ARHGAP32: variants seen among roughly 807,000 people sequenced by gnomAD.
The protein encoded by ARHGAP32 is rho GTPase-activating protein 32.
In ARHGAP32, 51 loss-of-function variants were observed where a neutral mutation model predicts 186.5. The ratio of observed to expected loss-of-function variants is 0.27; its 90% CI spans 0.22 to 0.35. The LOEUF is 0.35. ARHGAP32 is among the 10% of genes least tolerant of loss of function. The pLI, the probability that ARHGAP32 is intolerant of heterozygous loss-of-function variation, is 1.00. For missense variants in ARHGAP32, 2,186 were observed against 2,623.5 expected (o/e 0.83, Z 3.64); for synonymous variants, 950 against 964.3 (o/e 0.99, Z 0.27).
At chr11:129,233,386 G>C (rs1944884639) in intron 1 of ARHGAP32, among the ~76,000 whole-genome samples, 1 of 151,898 alleles carries the variant, frequency 6.6e-6, no homozygotes, top group Non-Finnish European at 1.5e-5. Context: ...AAAGATTTTT[G>C]ACCTAACCAA....
chr11:129,184,664 G>C (rs11221596), intron 1 of ARHGAP32, among the ~76,000 whole-genome samples: 43,262 of 151,872 alleles, frequency 0.28, 6,495 homozygotes, highest in Middle Eastern at 0.4. Context: ...CTAACACAAA[G>C]GTTTGACTCT....
intron 2 of ARHGAP32, among the ~76,000 whole-genome samples, chr11:129,128,837 G>T (rs928726703): frequency 6.6e-6 from 1 of 152,170 alleles, no homozygotes; most frequent in Non-Finnish European, 1.5e-5. Context: ...TGCCTGCCTC[G>T]GCCTCCCGAG....
chr11:128,987,803 T>C (rs1166710644), intron 13 of ARHGAP32, among the ~76,000 whole-genome samples: 1 of 152,074 alleles, frequency 6.6e-6, no homozygotes, highest in Non-Finnish European at 1.5e-5. Flanking sequence ...AGAGGCAAAA[T>C]ACAAGTACTG....
At chr11:128,992,214 A>G (rs1256238725) in intron 12 of ARHGAP32, among the ~76,000 whole-genome samples, 1 of 152,204 alleles carries the variant, frequency 6.6e-6, no homozygotes, top group African/African-American at 2.4e-5. Flanking sequence ...ATGTTCAGGC[A>G]ACAGAGAGTC....
chr11:129,096,841 AAATAT>A (rs1941743719), intron 5 of ARHGAP32, among the ~76,000 whole-genome samples: 1 of 152,178 alleles, frequency 6.6e-6, no homozygotes, highest in South Asian at 2.1e-4. Flanking sequence ...TCCTTTGGGA[AAATAT>A]AATAGACTAG....
chr11:129,175,240 GA>G (rs1943890423), intron 1 of ARHGAP32, among the ~76,000 whole-genome samples: 1 of 71,322 alleles, frequency 1.4e-5, no homozygotes, highest in African/African-American at 6.1e-5. Context: ...GAAGTTTAGA[GA>G]AAAAAGAATA....
At chr11:129,255,551 C>T (rs1219597033) in intron 1 of ARHGAP32, among the ~76,000 whole-genome samples, 1 of 151,968 alleles carries the variant, frequency 6.6e-6, no homozygotes. Flanking sequence ...TATATTAAGA[C>T]CTAGGCCTCA....
intron 1 of ARHGAP32, 110 bp downstream of exon 1, chr11:129,191,973 A>G (rs1389420747): frequency 3.7e-6 from 3 of 805,630 alleles, no homozygotes; most frequent in East Asian, 2.5e-5. Context: ...ACCTTCCCCC[A>G]GAAAACAGAA....
intron 15 of ARHGAP32, among the ~76,000 whole-genome samples, chr11:128,982,267 A>G (rs1471120851): frequency 6.6e-6 from 1 of 152,236 alleles, no homozygotes; most frequent in Non-Finnish European, 1.5e-5. Context: ...AAAAATTCCA[A>G]TAGGCATCAA....
At chr11:129,193,569 AAT>A (rs1167668157), upstream of ARHGAP32, among the ~76,000 whole-genome samples, 498 of 12,954 alleles carry the variant, frequency 0.038, 24 homozygotes, top group Non-Finnish European at 0.047. Flanking sequence ...TATTATATAT[AAT>A]ATATATATAT....
At chr11:129,085,163 A>C (rs1941347614) in intron 6 of ARHGAP32, among the ~76,000 whole-genome samples, 1 of 152,048 alleles carries the variant, frequency 6.6e-6, no homozygotes, top group Admixed American at 6.5e-5. Flanking sequence ...AGCTGAGACC[A>C]CAGGCACACA....
intron 5 of ARHGAP32, among the ~76,000 whole-genome samples, chr11:129,115,036 T>C (rs1942326863): frequency 6.6e-6 from 1 of 152,168 alleles, no homozygotes; most frequent in Admixed American, 6.6e-5. Flanking sequence ...AGTTCTTTTC[T>C]TTTATTCATC....
intron 5 of ARHGAP32, among the ~76,000 whole-genome samples, chr11:129,119,849 A>T (rs12292918): frequency 3.5e-4 from 54 of 152,172 alleles, no homozygotes; most frequent in Non-Finnish European, 6.0e-4. Context: ...GGGGGTGAGC[A>T]TACTGGCAGA....
intron 1 of ARHGAP32, among the ~76,000 whole-genome samples, chr11:129,213,641 G>A (rs1944609977): frequency 6.6e-6 from 1 of 151,994 alleles, no homozygotes. Flanking sequence ...AATATAAATA[G>A]ACAAAACTGA....
rs778851342 is a variant in ARHGAP32 at position 128,968,933 on chromosome 11, G to C, written c.6280C>G (p.Pro2094Ala). The part of the protein sequence containing the change: ...FLPAELSLQH[P>A]ETQIHAE Reference sequence around the variant, plus strand: ...CATTCTGCATGGATCTGTGTTTCAGGATGCTGCAAGGACAACTCTGCGGGC... The same window carrying C: ...CATTCTGCATGGATCTGTGTTTCAGCATGCTGCAAGGACAACTCTGCGGGC... The change falls in exon 23 of 23, where the codon CCT becomes GCT. Residue 2094 changes from proline to alanine, a missense_variant. Physicochemically the swap from Pro to Ala is conservative, Grantham distance 27. This residue lies in a region of ARHGAP32 where 1,502 missense variants were observed against 1,570.0 expected (regional missense o/e 0.96). Transcript: ENST00000682385. The C allele has an allele frequency of 5.2e-6, 8 of 1,540,898 alleles. No homozygotes were observed. The East Asian group carries it at 1.6e-4, about 31-fold the overall frequency.
intron 5 of ARHGAP32, 23 bp from the exon 6 acceptor site, chr11:129,093,730 GA>G (rs1565418922): frequency 1.3e-6 from 2 of 1,505,170 alleles, no homozygotes; most frequent in South Asian, 1.2e-5. Context: ...AAAAAAAGAA[GA>G]GGGGGAAAGA....
At position 129,123,759 on chromosome 11, in the gene ARHGAP32, A is replaced by G. The variant is rs549704856; in HGVS notation, c.359+129T>C. 2.5e-6 allele frequency: 2 copies of G among 787,720 alleles called. No individual in the cohort carries two copies. Among genetic ancestry groups the G allele is most frequent in the Middle Eastern group, 2.5e-4 (1 of 4,022 alleles). The allele number at this position is 787,720 out of a possible 1,614,324, so 48.8% of individuals were successfully genotyped here. On this transcript the variant is annotated intron_variant, in intron 4 of 22. Coordinates refer to ENST00000682385, the MANE Select transcript of ARHGAP32 (RefSeq NM_001378024.1). The surrounding 1 kb of genome is among the most constrained non-coding windows in gnomAD (Gnocchi z 4.6). ...CCAAAATAAAAAAAGCATCACCGTT[A>G]TCTCCTAATTTTGACCCGAATCAAT... is the stretch of plus-strand genomic sequence containing the variant.
At chr11:129,025,261 C>G (rs777332244) in intron 11 of ARHGAP32, among the ~76,000 whole-genome samples, 1 of 152,086 alleles carries the variant, frequency 6.6e-6, no homozygotes, top group Non-Finnish European at 1.5e-5. Context: ...GATGAGATAT[C>G]CAGGGAGGAT....
intron 1 of ARHGAP32, among the ~76,000 whole-genome samples, chr11:129,245,420 A>AGGGGACTATCACACTCT (rs1945078594): frequency 1.4e-5 from 2 of 142,526 alleles, no homozygotes; most frequent in African/African-American, 5.2e-5. Flanking sequence ...GGACACAGGA[A>AGGGGACTATCACACTCT]GGGGACTATC....
Sources: allele counts gnomAD v4.1 joint callset (sites outside exome capture counted in the v4.1 genomes callset), GRCh38; gene constraint gnomAD v4.1.1; regional missense constraint gnomAD v4.1.1; non-coding constraint Gnocchi (gnomAD v3.1); transcripts MANE v1.5; gene names NCBI Gene and HGNC (gene_info 2026-07-23, HGNC 2026-07-21).